Variants in BICD1 observed in about 807,000 individuals in gnomAD.
BICD1 encodes the protein protein bicaudal D homolog 1.
BICD1 carries 35 observed loss-of-function variants against 92.5 expected under a neutral mutation model. That is an observed-to-expected ratio of 0.38 (90% CI 0.29 to 0.50). The LOEUF is 0.50. BICD1 is among the 20% of genes least tolerant of loss of function. The pLI is 0.93. For synonymous variants in BICD1, 429 were observed against 465.1 expected (o/e 0.92, Z 1.00); for missense variants, 950 against 1,189.8 (o/e 0.80, Z 2.97).
At chr12:32,223,356 A>G (rs1380324058) in intron 2 of BICD1, among the ~76,000 whole-genome samples, 1 of 152,160 alleles carries the variant, frequency 6.6e-6, no homozygotes. Flanking sequence ...CGTCTCTACT[A>G]AAAATACAAA....
chr12:32,311,333 T>TA (rs139252484), intron 4 of BICD1, among the ~76,000 whole-genome samples: 9,386 of 151,734 alleles, frequency 0.062, 415 homozygotes, highest in Middle Eastern at 0.13. Flanking sequence ...CCATCTCTAC[T>TA]AAAAAAAATA....
At chr12:32,342,156 G>GTATATATATGTGTGTA (rs1565684419) in intron 8 of BICD1, among the ~76,000 whole-genome samples, 1 of 140,946 alleles carries the variant, frequency 7.1e-6, no homozygotes, top group African/African-American at 2.6e-5. Context: ...ATATATGTGT[G>GTATATATATGTGTGTA]TATATATATG....
At chr12:32,210,903 G>T (rs1310351598) in intron 1 of BICD1, among the ~76,000 whole-genome samples, 1 of 152,210 alleles carries the variant, frequency 6.6e-6, no homozygotes, top group East Asian at 1.9e-4. Flanking sequence ...TTTCTATTGG[G>T]CCTGGCTTTG....
chr12:32,219,722 C>A (rs1291534395), intron 2 of BICD1, among the ~76,000 whole-genome samples: 1 of 152,126 alleles, frequency 6.6e-6, no homozygotes. Flanking sequence ...TGCGGCTATG[C>A]TTAAGTATAA....
chr12:32,208,372 G>T (rs952878501), intron 1 of BICD1, among the ~76,000 whole-genome samples: 2 of 152,172 alleles, frequency 1.3e-5, no homozygotes, highest in African/African-American at 4.8e-5. Context: ...AAGCCTCGTG[G>T]CAGTATGAGA....
intron 1 of BICD1, among the ~76,000 whole-genome samples, chr12:32,164,632 A>G (rs535407084): frequency 2.0e-5 from 3 of 152,316 alleles, no homozygotes; most frequent in African/African-American, 4.8e-5. Flanking sequence ...GAGAAAGCCA[A>G]ATATAACCTG....
intron 2 of BICD1, among the ~76,000 whole-genome samples, chr12:32,265,579 C>CA (rs1946971297): frequency 6.7e-6 from 1 of 149,954 alleles, no homozygotes; most frequent in Non-Finnish European, 1.5e-5. Flanking sequence ...AAATTAGGCA[C>CA]AGTGTCGCAT....
At chr12:32,327,212 A>G (rs866606581) in intron 4 of BICD1, among the ~76,000 whole-genome samples, 1 of 152,228 alleles carries the variant, frequency 6.6e-6, no homozygotes, top group South Asian at 2.1e-4. Flanking sequence ...AAGTTTCGTC[A>G]GTATATGTGT....
intron 1 of BICD1, among the ~76,000 whole-genome samples, chr12:32,215,031 C>A (rs1303052524): frequency 6.6e-6 from 1 of 152,092 alleles, no homozygotes; most frequent in African/African-American, 2.4e-5. Flanking sequence ...GAGTTTGAGA[C>A]CAGCCTGGCC....
At chr12:32,287,502 G>A (rs752725199) in intron 2 of BICD1, among the ~76,000 whole-genome samples, 65 of 150,970 alleles carry the variant, frequency 4.3e-4, no homozygotes, top group Non-Finnish European at 7.2e-4. Context: ...CTGTTGGTCA[G>A]CAATTTGGGC....
chr12:32,115,360 A>C (rs1941850730), intron 1 of BICD1, among the ~76,000 whole-genome samples: 1 of 142,198 alleles, frequency 7.0e-6, no homozygotes, highest in Admixed American at 7.2e-5. Context: ...ACATATAGGC[A>C]GGGTTTTTGT....
At chr12:32,300,701 T>C (rs1948019016) in intron 3 of BICD1, among the ~76,000 whole-genome samples, 1 of 131,570 alleles carries the variant, frequency 7.6e-6, no homozygotes, top group Non-Finnish European at 1.6e-5. Context: ...TGGAGTGCAG[T>C]GGAAGCAATC....
At chr12:32,118,308 C>G (rs1367921119) in intron 1 of BICD1, among the ~76,000 whole-genome samples, 2 of 147,600 alleles carry the variant, frequency 1.4e-5, no homozygotes, top group Non-Finnish European at 3.0e-5. Flanking sequence ...GTCTCGATCT[C>G]TTGACCTTGT....
At chr12:32,231,936 C>CATA (rs1222639195) in intron 2 of BICD1, among the ~76,000 whole-genome samples, 1 of 151,434 alleles carries the variant, frequency 6.6e-6, no homozygotes, top group Non-Finnish European at 1.5e-5. Flanking sequence ...TTTATGGCTG[C>CATA]ATAGTATTCC....
At chr12:32,362,052 T>A (rs962451686) in intron 8 of BICD1, among the ~76,000 whole-genome samples, 4 of 152,176 alleles carry the variant, frequency 2.6e-5, no homozygotes, top group African/African-American at 9.6e-5. Context: ...CCCTAAGGCA[T>A]TGACTTTTAG....
intron 2 of BICD1, among the ~76,000 whole-genome samples, chr12:32,280,251 A>C (rs190675984): frequency 1.2e-4 from 18 of 152,346 alleles, no homozygotes; most frequent in African/African-American, 3.8e-4. Flanking sequence ...AATACAGATT[A>C]ATAGAAGAGA....
Position 32,382,970 on chromosome 12 carries a change from T to C in BICD1, c.*5343T>C, listed in dbSNP as rs534962318. ...ATTCCCACAAAATGTTAAAGCTCAA[T>C]GGTTTGACTATGAGAGTCAAACAAT... On this transcript the variant is annotated 3_prime_UTR_variant, in exon 10 of 10. Coordinates refer to ENST00000652176, the MANE Select transcript of BICD1 (RefSeq NM_001714.4). The C allele has an allele frequency of 6.6e-6, 1 of 152,252 alleles. No individual in the cohort carries two copies. The highest frequency in any genetic ancestry group is 2.1e-4 in the South Asian group (1 of 4,830). The allele number at this position is 152,252 out of a possible 1,614,324, so 9.4% of individuals were successfully genotyped here.
intron 2 of BICD1, among the ~76,000 whole-genome samples, chr12:32,248,693 A>AG (rs1326602408): frequency 6.6e-6 from 1 of 152,262 alleles, no homozygotes; most frequent in East Asian, 1.9e-4. Flanking sequence ...TTGGCTCTTT[A>AG]GCTCAGCTAG....
At chr12:32,301,956 G>A (rs1341992212) in intron 3 of BICD1, among the ~76,000 whole-genome samples, 1 of 151,982 alleles carries the variant, frequency 6.6e-6, no homozygotes, top group East Asian at 1.9e-4. Context: ...GCGCGATCTC[G>A]GCTCACTGCA....
Sources: gnomAD v4.1 joint callset for allele counts (sites outside exome capture counted in the v4.1 genomes callset) on GRCh38, gnomAD v4.1.1 for gene constraint, MANE v1.5 for transcripts, NCBI Gene and HGNC (gene_info 2026-07-23, HGNC 2026-07-21) for gene names.